The following NAALADL2 variants were observed in gnomAD, a reference collection of about 807,000 sequenced individuals.
The protein encoded by NAALADL2 is N-acetylated alpha-linked acidic dipeptidase like 2, also known as inactive N-acetylated-alpha-linked acidic dipeptidase-like protein 2.
NAALADL2 carries 76 observed loss-of-function variants against 87.2 expected under a neutral mutation model. The ratio of observed to expected loss-of-function variants is 0.87; its 90% CI spans 0.72 to 1.05. The LOEUF is 1.05. Ranked by LOEUF, NAALADL2 falls within the 50% of genes least tolerant of loss-of-function variation. The probability of loss-of-function intolerance (pLI) is 0.00; values close to 1 mark genes in which losing one functional copy is unlikely to be tolerated. For missense variants in NAALADL2, 1,089 were observed against 945.8 expected, an observed-to-expected ratio of 1.15 and a Z score of -1.99; for synonymous variants, 354 against 331.0, an observed-to-expected ratio of 1.07 and a Z score of -0.75.
At chr3:175,409,813 A>T (rs941580891) in intron 5 of NAALADL2, among the ~76,000 whole-genome samples, 31 of 152,086 alleles carry the variant, frequency 2.0e-4, no homozygotes, top group African/African-American at 7.5e-4. Context: ...GAACACTGAC[A>T]TAATTAGATT....
chr3:175,605,202 A>G (rs973511277), intron 10 of NAALADL2, among the ~76,000 whole-genome samples: 4 of 152,258 alleles, frequency 2.6e-5, no homozygotes, highest in South Asian at 2.1e-4. Context: ...TCCTCCCTCA[A>G]TAAGGACTCC....
At chr3:175,354,407 TTAA>T (rs1421011905) in intron 5 of NAALADL2, among the ~76,000 whole-genome samples, 8 of 152,122 alleles carry the variant, frequency 5.3e-5, no homozygotes, top group African/African-American at 1.9e-4. Flanking sequence ...AAGATAATAT[TTAA>T]TAAAATCTTA....
At chr3:175,649,407 G>GAAA (rs547293804) in intron 11 of NAALADL2, among the ~76,000 whole-genome samples, 13 of 128,888 alleles carry the variant, frequency 1.0e-4, no homozygotes, top group African/African-American at 3.2e-4. Flanking sequence ...AAGTGTCTCT[G>GAAA]AAAAAAAAAA....
intron 1 of NAALADL2, among the ~76,000 whole-genome samples, chr3:174,933,207 T>A (rs1737183634): frequency 6.6e-6 from 1 of 152,242 alleles, no homozygotes; most frequent in Non-Finnish European, 1.5e-5. Flanking sequence ...AGGGCATTTA[T>A]ACTGAATAAT....
At chr3:174,856,996 T>C (rs1457577543), upstream of NAALADL2, among the ~76,000 whole-genome samples, 1 of 152,138 alleles carries the variant, frequency 6.6e-6, no homozygotes, top group African/African-American at 2.4e-5. Flanking sequence ...TCTTGGAATG[T>C]ATTCTCCTGA....
At chr3:175,598,480 T>G (rs1722535391) in intron 10 of NAALADL2, among the ~76,000 whole-genome samples, 1 of 152,046 alleles carries the variant, frequency 6.6e-6, no homozygotes, top group Non-Finnish European at 1.5e-5. Flanking sequence ...GTTTTCTACA[T>G]ATTTCAAGGC....
chr3:174,728,343 G>A (rs1168548833), intron 2 of NAALADL2, among the ~76,000 whole-genome samples: 1 of 152,026 alleles, frequency 6.6e-6, no homozygotes, highest in Non-Finnish European at 1.5e-5. Context: ...AAAGGGAATG[G>A]TAAGTCACAA....
At chr3:174,626,165 C>A (rs1721557541) in intron 2 of NAALADL2, among the ~76,000 whole-genome samples, 1 of 146,406 alleles carries the variant, frequency 6.8e-6, no homozygotes, top group African/African-American at 2.5e-5. Context: ...AATTTACTAT[C>A]CAATTTCCTT....
intron 5 of NAALADL2, among the ~76,000 whole-genome samples, chr3:175,378,456 G>A (rs747122114): frequency 1.3e-5 from 2 of 152,174 alleles, no homozygotes; most frequent in South Asian, 2.1e-4. Flanking sequence ...TCATTTAGTC[G>A]TGAACCTCAG....
At chr3:174,865,028 A>G (rs1345282970) in intron 1 of NAALADL2, among the ~76,000 whole-genome samples, 4 of 152,042 alleles carry the variant, frequency 2.6e-5, no homozygotes, top group African/African-American at 9.7e-5. Context: ...TTATTTGACA[A>G]TGCTATTTTG....
chr3:175,052,787 T>C (rs6797979), intron 1 of NAALADL2, among the ~76,000 whole-genome samples: 48,259 of 152,108 alleles, frequency 0.32, 7,759 homozygotes, highest in Middle Eastern at 0.45. Flanking sequence ...TCCACAAATC[T>C]TTAGGTTTAG....
intron 3 of NAALADL2, among the ~76,000 whole-genome samples, chr3:174,849,578 T>A (rs551016226): frequency 3.2e-4 from 48 of 151,788 alleles, no homozygotes; most frequent in Non-Finnish European, 5.3e-4. Context: ...CTACTAAAAA[T>A]ACAAAAATTA....
chr3:175,791,287 A>G (rs1480414094), intron 13 of NAALADL2, among the ~76,000 whole-genome samples: 1 of 152,136 alleles, frequency 6.6e-6, no homozygotes, highest in Non-Finnish European at 1.5e-5. Context: ...TTTATTTTTG[A>G]GTGCCTGATA....
intron 2 of NAALADL2, among the ~76,000 whole-genome samples, chr3:175,152,954 G>A (rs947944578): frequency 6.6e-6 from 1 of 151,960 alleles, no homozygotes; most frequent in East Asian, 1.9e-4. Context: ...GTTCCCAATA[G>A]AAGGTACCCA....
intron 1 of NAALADL2, among the ~76,000 whole-genome samples, chr3:174,943,764 T>C (rs1297709442): frequency 2.6e-5 from 4 of 152,134 alleles, no homozygotes; most frequent in Non-Finnish European, 5.9e-5. Context: ...CATGGGAGAT[T>C]GACTGGCCTC....
At chr3:175,177,804 AG>A (rs1735899734) in intron 2 of NAALADL2, among the ~76,000 whole-genome samples, 2 of 151,448 alleles carry the variant, frequency 1.3e-5, no homozygotes, top group Admixed American at 1.3e-4. Flanking sequence ...AGCACGAATA[AG>A]TGAGGTGATT....
chr3:175,198,986 T>C (rs1739404418), intron 2 of NAALADL2, among the ~76,000 whole-genome samples: 1 of 152,142 alleles, frequency 6.6e-6, no homozygotes, highest in African/African-American at 2.4e-5. Context: ...TCAGTGCATG[T>C]TTGCATCTGG....
intron 9 of NAALADL2, among the ~76,000 whole-genome samples, chr3:175,486,691 A>G (rs932712126): frequency 1.1e-4 from 16 of 152,102 alleles, no homozygotes; most frequent in Non-Finnish European, 1.5e-5. Context: ...TGATTTAGAA[A>G]CGATATGAGT....
rs543520186 is a variant in NAALADL2 at position 175,507,616 on chromosome 3, G to C, written c.1653+35858G>C. 1.1e-4 allele frequency among the ~76,000 whole-genome samples: 16 copies of C among 152,164 alleles called. No individual in the cohort carries two copies. The South Asian group carries it at 3.3e-3, about 32-fold the overall frequency. ...TTTTTGTACTTTTAGTAGAGATGGC[G>C]TTTCACCATGTTGGCCAGGCTGGTC... On this transcript the variant is annotated intron_variant, in intron 9 of 13. Coordinates refer to ENST00000454872, the MANE Select transcript of NAALADL2 (RefSeq NM_207015.3).
Sources: allele counts gnomAD v4.1 joint callset (sites outside exome capture counted in the v4.1 genomes callset), GRCh38; gene constraint gnomAD v4.1.1; transcripts MANE v1.5; gene names NCBI Gene and HGNC (gene_info 2026-07-23, HGNC 2026-07-21).